Variants in HSPA12A observed in about 807,000 individuals in gnomAD.
HSPA12A encodes the protein heat shock 70 kDa protein 12A.
In HSPA12A, 28 loss-of-function variants were observed where a neutral mutation model predicts 69.2. The ratio of observed to expected loss-of-function variants is 0.40; its 90% CI spans 0.30 to 0.55. HSPA12A has a LOEUF of 0.55. Ranked by LOEUF, HSPA12A falls within the 20% of genes least tolerant of loss-of-function variation. The probability of loss-of-function intolerance (pLI) is 0.38; values close to 1 mark genes in which losing one functional copy is unlikely to be tolerated. For synonymous variants in HSPA12A, 345 were observed against 370.5 expected (o/e 0.93, Z 0.79); for missense variants, 686 against 900.7 (o/e 0.76, Z 3.05).
At chr10:116,842,160 GT>G in intron 1 of HSPA12A, among the ~76,000 whole-genome samples, 1 of 152,268 alleles carries the variant, frequency 6.6e-6, no homozygotes, top group African/African-American at 2.4e-5. Context: ...AGGTTCTCAA[GT>G]TTAATTACAA....
At chr10:116,841,104 T>C (rs1352102668) in intron 1 of HSPA12A, among the ~76,000 whole-genome samples, 1 of 152,204 alleles carries the variant, frequency 6.6e-6, no homozygotes, top group Non-Finnish European at 1.5e-5. Flanking sequence ...GCCTCAATTA[T>C]TTATTTCAAG....
intron 1 of HSPA12A, among the ~76,000 whole-genome samples, chr10:116,741,164 C>T (rs1851492857): frequency 6.6e-6 from 1 of 152,128 alleles, no homozygotes; most frequent in African/African-American, 2.4e-5. Flanking sequence ...CGCCACCCTG[C>T]ACTCCCCCAC....
rs1448120244 is a variant in HSPA12A at position 116,671,773 on chromosome 10, C to T, written c.*3008G>A. 2.0e-5 allele frequency: 3 copies of T among 152,614 alleles called. No individual in the cohort carries two copies. Among genetic ancestry groups the T allele is most frequent in the African/African-American group, 2.4e-5 (1 of 41,438 alleles). The allele number at this position is 152,614 out of a possible 1,614,324, so 9.5% of individuals were successfully genotyped here. ...CCTTGATGATTCTGCTTCCAAGAAACGTGAAGATCAGATAATATGCCAGGG... is the reference window on the plus strand; with the variant it reads ...CCTTGATGATTCTGCTTCCAAGAAATGTGAAGATCAGATAATATGCCAGGG... On this transcript the variant is annotated 3_prime_UTR_variant, in exon 12 of 12. Coordinates refer to ENST00000369209, the MANE Select transcript of HSPA12A (RefSeq NM_025015.3).
chr10:116,744,709 G>A (rs141984604), upstream of HSPA12A, among the ~76,000 whole-genome samples: 276 of 152,342 alleles, frequency 1.8e-3, no homozygotes, highest in African/African-American at 6.3e-3. Context: ...CATCCAGCCC[G>A]CCAGCGAGGG....
At chr10:116,707,357 A>G in intron 1 of HSPA12A, 72 bp from the exon 2 acceptor site, 3 of 1,220,780 alleles carry the variant, frequency 2.5e-6, no homozygotes, top group East Asian at 2.5e-5. Flanking sequence ...TGAGGGCTGC[A>G]TGGCCTTAAC....
chr10:116,672,715 T>A lies in HSPA12A; in HGVS notation c.*2066A>T, dbSNP rs954026719. 6.6e-6 allele frequency: 1 copy of A among 152,656 alleles called. No homozygotes were observed. Among genetic ancestry groups the A allele is most frequent in the Non-Finnish European group, 1.5e-5 (1 of 68,044 alleles). 9.5% of individuals were successfully genotyped at this position (152,656 alleles called of 1,614,324 possible). Reference sequence around the variant, plus strand: ...CTGTACAATATTCTAACATTATATGTACATAAAATTATATTACTCATAACT... The same window carrying A: ...CTGTACAATATTCTAACATTATATGAACATAAAATTATATTACTCATAACT... On this transcript the variant is annotated 3_prime_UTR_variant, in exon 12 of 12. Transcript: ENST00000369209.
At chr10:116,812,478 A>T (rs564489312) in intron 2 of HSPA12A, among the ~76,000 whole-genome samples, 6 of 151,890 alleles carry the variant, frequency 4.0e-5, no homozygotes, top group African/African-American at 1.4e-4. Context: ...TAAAATAAAT[A>T]AAATAAAATA....
chr10:116,731,185 G>A (rs1442060585), intron 1 of HSPA12A, among the ~76,000 whole-genome samples: 1 of 152,224 alleles, frequency 6.6e-6, no homozygotes, highest in Non-Finnish European at 1.5e-5. Flanking sequence ...CCATCTTTCT[G>A]TGCCTTGGCT....
chr10:116,734,923 C>T (rs559466912), intron 1 of HSPA12A, among the ~76,000 whole-genome samples: 104 of 151,938 alleles, frequency 6.8e-4, no homozygotes, highest in South Asian at 2.1e-3. Context: ...ACCCGGGAGG[C>T]GGAGCTTGCA....
chr10:116,685,951 A>G (rs1849565947), intron 6 of HSPA12A, among the ~76,000 whole-genome samples: 2 of 152,038 alleles, frequency 1.3e-5, no homozygotes, highest in African/African-American at 2.4e-5. Context: ...ATCACCTAGT[A>G]CCCTCAGCTA....
chr10:116,684,279 G>C (rs1489395256), intron 6 of HSPA12A, among the ~76,000 whole-genome samples: 1 of 152,132 alleles, frequency 6.6e-6, no homozygotes, highest in African/African-American at 2.4e-5. Context: ...GGGGAGGAGC[G>C]GGGGGATTCC....
intron 1 of HSPA12A, among the ~76,000 whole-genome samples, chr10:116,737,095 A>G (rs536566377): frequency 1.3e-5 from 2 of 152,332 alleles, no homozygotes; most frequent in African/African-American, 4.8e-5. Flanking sequence ...GTTATAATCC[A>G]TACTTTACAG....
At chr10:116,688,356 T>C (rs1444027827) in intron 6 of HSPA12A, among the ~76,000 whole-genome samples, 1 of 152,310 alleles carries the variant, frequency 6.6e-6, no homozygotes, top group East Asian at 1.9e-4. Context: ...TGCTTCCCCA[T>C]TTGCCTCCTC....
chr10:116,788,435 C>T (rs781421001), intron 2 of HSPA12A, among the ~76,000 whole-genome samples: 7 of 152,208 alleles, frequency 4.6e-5, no homozygotes, highest in Non-Finnish European at 1.0e-4. Context: ...TAACTCTTCT[C>T]CCAAAATACA....
At chr10:116,703,745 T>A (rs1204534598) in intron 3 of HSPA12A, among the ~76,000 whole-genome samples, 2 of 152,186 alleles carry the variant, frequency 1.3e-5, no homozygotes, top group East Asian at 3.9e-4. Flanking sequence ...GGATCAAGAC[T>A]GGGATCCCAT....
At chr10:116,826,825 C>T (rs1845515765) in intron 2 of HSPA12A, among the ~76,000 whole-genome samples, 1 of 152,170 alleles carries the variant, frequency 6.6e-6, no homozygotes, top group African/African-American at 2.4e-5. Context: ...ACTCACACTT[C>T]TTGGATGTTT....
intron 10 of HSPA12A, 121 bp from the exon 11 acceptor site, chr10:116,676,623 T>G (rs1350058235): frequency 7.7e-6 from 6 of 775,138 alleles, no homozygotes; most frequent in African/African-American, 5.1e-5. Context: ...GAAAGGGGGT[T>G]GAAAGCCAAA....
chr10:116,808,046 G>A (rs1845102147), intron 2 of HSPA12A, among the ~76,000 whole-genome samples: 1 of 152,174 alleles, frequency 6.6e-6, no homozygotes, highest in Admixed American at 6.5e-5. Flanking sequence ...AATTTCCCAA[G>A]GTAGTTTCTG....
At chr10:116,779,893 T>C (rs562343925) in intron 2 of HSPA12A, among the ~76,000 whole-genome samples, 1 of 152,204 alleles carries the variant, frequency 6.6e-6, no homozygotes, top group South Asian at 2.1e-4. Flanking sequence ...TGTGGGCCCA[T>C]GGCACCACTC....
Sources: allele counts gnomAD v4.1 joint callset (sites outside exome capture counted in the v4.1 genomes callset), GRCh38; gene constraint gnomAD v4.1.1; transcripts MANE v1.5; gene names NCBI Gene and HGNC (gene_info 2026-07-23, HGNC 2026-07-21).